COL21A1: variants seen among roughly 807,000 people sequenced by gnomAD.
The protein encoded by COL21A1 is collagen alpha-1(XXI) chain.
In COL21A1, 149 loss-of-function variants were observed where a neutral mutation model predicts 137.9. The ratio of observed to expected loss-of-function variants is 1.08; its 90% confidence interval spans 0.95 to 1.24. The LOEUF (loss-of-function observed/expected upper bound fraction) is 1.24, where lower values mean the gene tolerates loss of function less well. Among genes scored for constraint, COL21A1 ranks in the 50% most tolerant of loss-of-function variants. COL21A1 has a pLI of 0.00. For synonymous variants in COL21A1, 456 were observed against 391.5 expected, an observed-to-expected ratio of 1.16 and a Z score of -1.95; for missense variants, 1,167 against 1,158.4, an observed-to-expected ratio of 1.01 and a Z score of -0.11.
intron 10 of COL21A1, among the ~76,000 whole-genome samples, chr6:56,143,662 T>A (rs1387567253): frequency 6.6e-6 from 1 of 152,186 alleles, no homozygotes; most frequent in Non-Finnish European, 1.5e-5. Flanking sequence ...CAGGAAACAA[T>A]GAGTCTGATT....
At chr6:56,154,171 T>TGACC (rs1277122351) in intron 10 of COL21A1, among the ~76,000 whole-genome samples, 1 of 152,178 alleles carries the variant, frequency 6.6e-6, no homozygotes, top group Non-Finnish European at 1.5e-5. Context: ...AAAGGATGAC[T>TGACC]GACCCCCTTG....
chr6:56,341,053 A>G (rs1156642441), intron 1 of COL21A1, among the ~76,000 whole-genome samples: 1 of 152,192 alleles, frequency 6.6e-6, no homozygotes, highest in Non-Finnish European at 1.5e-5. Context: ...GGTCTGTGCA[A>G]TGGTCACCAC....
At chr6:56,326,367 A>T (rs1304416096) in intron 1 of COL21A1, among the ~76,000 whole-genome samples, 1 of 151,786 alleles carries the variant, frequency 6.6e-6, no homozygotes, top group Non-Finnish European at 1.5e-5. Context: ...AATTCAAATA[A>T]CCTGGAAAAT....
chr6:56,074,833 T>C (rs1367633551), intron 19 of COL21A1, among the ~76,000 whole-genome samples: 2 of 151,466 alleles, frequency 1.3e-5, no homozygotes, highest in African/African-American at 4.8e-5. Context: ...CTACTTTAAA[T>C]ACTATTATAC....
intron 9 of COL21A1, 124 bp downstream of exon 9, chr6:56,164,299 T>C (rs1280537203): frequency 7.1e-6 from 5 of 702,360 alleles, no homozygotes; most frequent in Non-Finnish European, 1.2e-5. Context: ...AAACTGAGGT[T>C]TTAAACTCTA....
intron 12 of COL21A1, among the ~76,000 whole-genome samples, chr6:56,129,102 T>C (rs948612641): frequency 1.3e-5 from 2 of 152,186 alleles, no homozygotes; most frequent in African/African-American, 4.8e-5. Flanking sequence ...GAGGAAGGGA[T>C]AGTGGGATTT....
chr6:56,095,276 T>C (rs1769214956), intron 17 of COL21A1, among the ~76,000 whole-genome samples: 1 of 152,168 alleles, frequency 6.6e-6, no homozygotes. Flanking sequence ...CTGTTTACTG[T>C]GTGGTGTTCC....
chr6:56,177,127 G>T (rs1233822755), intron 3 of COL21A1, among the ~76,000 whole-genome samples: 6 of 152,068 alleles, frequency 3.9e-5, no homozygotes, highest in Admixed American at 6.5e-5. Context: ...AGTAGTACTA[G>T]CAGTAGTAGC....
chr6:56,227,500 T>C (rs1281955485), intron 1 of COL21A1, among the ~76,000 whole-genome samples: 2 of 152,060 alleles, frequency 1.3e-5, no homozygotes, highest in Non-Finnish European at 2.9e-5. Context: ...TTATCAGTTA[T>C]TACACTTCAG....
chr6:56,197,770 A>G (rs920780707), intron 1 of COL21A1, among the ~76,000 whole-genome samples: 2 of 152,166 alleles, frequency 1.3e-5, no homozygotes, highest in Non-Finnish European at 2.9e-5. Context: ...AAATTGGTAC[A>G]GCCATTATGA....
intron 1 of COL21A1, among the ~76,000 whole-genome samples, chr6:56,333,320 G>C (rs1277193861): frequency 8.4e-6 from 1 of 119,062 alleles, no homozygotes; most frequent in Non-Finnish European, 1.6e-5. Context: ...CTAGGCATCT[G>C]CTAATATACT....
chr6:56,190,787 A>G (rs1303092215), intron 1 of COL21A1, among the ~76,000 whole-genome samples: 2 of 152,192 alleles, frequency 1.3e-5, no homozygotes, highest in African/African-American at 4.8e-5. Context: ...GGTTCAACAT[A>G]CACAAATCAA....
intron 10 of COL21A1, among the ~76,000 whole-genome samples, chr6:56,152,974 T>C (rs1161240349): frequency 6.6e-6 from 1 of 152,034 alleles, no homozygotes; most frequent in Non-Finnish European, 1.5e-5. Context: ...GCTCACCCAG[T>C]GTAATTAGGG....
At chr6:56,200,114 G>T (rs1779283966) in intron 1 of COL21A1, among the ~76,000 whole-genome samples, 1 of 152,114 alleles carries the variant, frequency 6.6e-6, no homozygotes, top group African/African-American at 2.4e-5. Context: ...CCATTCCATT[G>T]ATGGAGTAAG....
At chr6:56,158,738 A>C (rs1294017915) in intron 9 of COL21A1, among the ~76,000 whole-genome samples, 1 of 152,152 alleles carries the variant, frequency 6.6e-6, no homozygotes, top group East Asian at 1.9e-4. Flanking sequence ...GAACTAAGTG[A>C]ACTCTAATAA....
intron 1 of COL21A1, among the ~76,000 whole-genome samples, chr6:56,340,059 A>T (rs1765431145): frequency 6.6e-6 from 1 of 152,182 alleles, no homozygotes; most frequent in African/African-American, 2.4e-5. Flanking sequence ...CAGAGAGGAA[A>T]AAAAACGCCA....
chr6:56,057,840 TG>T lies in COL21A1; in HGVS notation c.2690del (p.Pro897GlnfsTer7). On this transcript the variant is annotated frameshift_variant, in exon 30 of 30. Transcript: ENST00000244728. LOFTEE classifies it high-confidence loss of function. ...GEQGPPGPPG[P>X]EGPPGISKEG... The stretch of plus-strand genomic sequence containing the variant: ...CTTTGCTTATTCCAGGAGGGCCCTC[TG>T]GACCTAAGATGGGACATTGGCAAGA... 1 of 1,544,820 alleles carries T rather than the reference TG, an allele frequency of 6.5e-7. No homozygotes were observed. The highest frequency in any genetic ancestry group is 2.3e-5 in the Admixed American group (1 of 43,650).
intron 29 of COL21A1, 111 bp downstream of exon 29, chr6:56,059,054 C>T (rs1582205064): frequency 1.3e-6 from 1 of 798,962 alleles, no homozygotes; most frequent in Admixed American, 2.3e-5. Flanking sequence ...ATGTGAATCA[C>T]TCAAAAAAGA....
chr6:56,299,560 T>C (rs2152337058), intron 1 of COL21A1, among the ~76,000 whole-genome samples: 1 of 152,206 alleles, frequency 6.6e-6, no homozygotes, highest in Admixed American at 6.6e-5. Flanking sequence ...TTGAGAAAAG[T>C]CATTTATAAT....
Sources: gnomAD v4.1 joint callset for allele counts (sites outside exome capture counted in the v4.1 genomes callset) on GRCh38, gnomAD v4.1.1 for gene constraint, MANE v1.5 for transcripts, NCBI Gene and HGNC (gene_info 2026-07-23, HGNC 2026-07-21) for gene names.